MAGI1: variants seen among roughly 807,000 people sequenced by gnomAD.
The protein encoded by MAGI1 is membrane associated guanylate kinase, WW and PDZ domain containing 1.
MAGI1 carries 58 observed loss-of-function variants against 139.9 expected under a neutral mutation model. The observed-to-expected ratio is 0.41, with a 90% confidence interval of 0.34 to 0.52. MAGI1 has a LOEUF of 0.52. Ranked by LOEUF, MAGI1 falls within the 20% of genes least tolerant of loss-of-function variation. The probability of loss-of-function intolerance (pLI) is 0.12; values close to 1 mark genes in which losing one functional copy is unlikely to be tolerated. For synonymous variants in MAGI1, 812 were observed against 737.9 expected (o/e 1.10, Z -1.63); for missense variants, 1,874 against 1,901.6 (o/e 0.99, Z 0.27).
chr3:65,982,181 C>A (rs1263980657), intron 1 of MAGI1, among the ~76,000 whole-genome samples: 2 of 152,196 alleles, frequency 1.3e-5, no homozygotes, highest in Non-Finnish European at 2.9e-5. Context: ...TGGTCGAGTT[C>A]CCTGAGCATC....
At chr3:65,671,216 G>A (rs1011551113) in intron 1 of MAGI1, among the ~76,000 whole-genome samples, 8 of 152,112 alleles carry the variant, frequency 5.3e-5, no homozygotes, top group East Asian at 1.9e-4. Flanking sequence ...AATTTGAACC[G>A]GGATTTGGCA....
rs531122736 is a variant in MAGI1, at chr3:65,850,952, C to T, written c.313+187044G>A. On this transcript the variant is annotated intron_variant, in intron 1 of 22. Coordinates refer to ENST00000402939, the MANE Select transcript of MAGI1 (RefSeq NM_001033057.2). ...TGAAACCCTGTCTCTACTTAAAATACAAAAATTAGCCAGGCAGGGTGGCAG... is the reference window on the plus strand; with the variant it reads ...TGAAACCCTGTCTCTACTTAAAATATAAAAATTAGCCAGGCAGGGTGGCAG... 4.6e-5 allele frequency among the ~76,000 whole-genome samples: 7 copies of T among 152,146 alleles called. No individual in the cohort carries two copies. In the South Asian group the frequency reaches 1.5e-3, roughly 32 times the overall value.
chr3:65,738,868 T>C (rs1442004806), intron 1 of MAGI1, among the ~76,000 whole-genome samples: 1 of 152,214 alleles, frequency 6.6e-6, no homozygotes, highest in Non-Finnish European at 1.5e-5. Context: ...TGTTATTCCA[T>C]ATATAGAGCA....
At chr3:65,887,131 C>CA (rs1467540912) in intron 1 of MAGI1, among the ~76,000 whole-genome samples, 1 of 151,476 alleles carries the variant, frequency 6.6e-6, no homozygotes, top group Non-Finnish European at 1.5e-5. Context: ...TATGCCATCT[C>CA]AAAAAAAGAT....
intron 1 of MAGI1, among the ~76,000 whole-genome samples, chr3:65,796,155 C>A (rs2040135186): frequency 6.6e-6 from 1 of 152,068 alleles, no homozygotes; most frequent in South Asian, 2.1e-4. Flanking sequence ...GCCGGGGTCC[C>A]AGGGAAGAAC....
intron 1 of MAGI1, among the ~76,000 whole-genome samples, chr3:65,926,327 T>TCTCTCTCTCTCTC (rs1553731214): frequency 2.6e-5 from 3 of 115,592 alleles, no homozygotes; most frequent in East Asian, 2.9e-4. Flanking sequence ...AAGTCTTCTT[T>TCTCTCTCTCTCTC]TCTCTCTCTC....
chr3:65,375,984 T>C, intron 17 of MAGI1, 39 bp from the exon 18 acceptor site: 1 of 1,497,260 alleles, frequency 6.7e-7, no homozygotes, highest in Non-Finnish European at 9.3e-7. Context: ...TAAAGTTACG[T>C]GGGAATATAG....
At chr3:65,749,269 G>A (rs947390277) in intron 1 of MAGI1, among the ~76,000 whole-genome samples, 4 of 152,164 alleles carry the variant, frequency 2.6e-5, no homozygotes, top group Non-Finnish European at 5.9e-5. Context: ...TGTTGTTACT[G>A]TTACCATAGC....
intron 5 of MAGI1, among the ~76,000 whole-genome samples, chr3:65,466,273 T>C (rs1950167967): frequency 6.6e-6 from 1 of 152,198 alleles, no homozygotes. Flanking sequence ...CTCATTTTGA[T>C]ATCTTCCTGA....
rs148093477 is a variant in MAGI1, at chr3:65,804,623, A to G, written c.314-182535T>C. Among the ~76,000 whole-genome samples, 1,394 of 152,218 alleles carry G rather than the reference A, an allele frequency of 9.2e-3. 24 individuals are homozygous for G. The highest frequency in any genetic ancestry group is 0.032 in the African/African-American group (1,326 of 41,520). Reference sequence around the variant, plus strand: ...TCTGTACACATCATGAACTATAGCAAGTGGCAATGTAAACGGACCGTAGCC... The same window carrying G: ...TCTGTACACATCATGAACTATAGCAGGTGGCAATGTAAACGGACCGTAGCC... On this transcript the variant is annotated intron_variant, in intron 1 of 22. Transcript: ENST00000402939.
intron 1 of MAGI1, among the ~76,000 whole-genome samples, chr3:65,789,550 T>A (rs1022222728): frequency 1.3e-5 from 2 of 152,164 alleles, no homozygotes. Context: ...AGGCAGATGA[T>A]CACCAGAGAA....
intron 1 of MAGI1, among the ~76,000 whole-genome samples, chr3:65,936,758 GT>G (rs2063073456): frequency 6.6e-6 from 1 of 152,044 alleles, no homozygotes. Flanking sequence ...TGTAGACAGG[GT>G]CTCACTCTGC....
At chr3:65,789,862 G>A (rs961561514) in intron 1 of MAGI1, among the ~76,000 whole-genome samples, 2 of 152,120 alleles carry the variant, frequency 1.3e-5, no homozygotes, top group African/African-American at 4.8e-5. Context: ...CAATAATTTG[G>A]ACAAATTTTC....
intron 1 of MAGI1, among the ~76,000 whole-genome samples, chr3:65,650,834 G>C (rs2085534657): frequency 6.6e-6 from 1 of 152,118 alleles, no homozygotes; most frequent in Admixed American, 6.6e-5. Flanking sequence ...AGTATGAGAG[G>C]CATTGACATA....
Position 65,984,512 on chromosome 3 carries a change from ATGTGTG to A in MAGI1, c.313+53478_313+53483del, listed in dbSNP as rs34046056. 4.3e-3 allele frequency among the ~76,000 whole-genome samples: 599 copies of A among 140,454 alleles called. 1 individual carries two copies. The highest frequency in any genetic ancestry group is 0.017 in the South Asian group (72 of 4,162). 92.1% of individuals were successfully genotyped at this position (140,454 alleles called of 152,430 possible). Reference sequence around the variant, plus strand: ...TTTAATATAATATTTTCAAAATAAAATGTGTGTGTGTGTGTGTGTGTGTGTGTGTGT... The same window carrying A: ...TTTAATATAATATTTTCAAAATAAAATGTGTGTGTGTGTGTGTGTGTGTGT... On this transcript the variant is annotated intron_variant, in intron 1 of 22. Transcript: ENST00000402939.
At chr3:65,938,576 T>TC (rs1169895657) in intron 1 of MAGI1, among the ~76,000 whole-genome samples, 3 of 151,918 alleles carry the variant, frequency 2.0e-5, no homozygotes, top group Non-Finnish European at 4.4e-5. Flanking sequence ...TGACACTTCT[T>TC]CCTTTTCCGC....
At chr3:65,737,736 A>T (rs2034896172) in intron 1 of MAGI1, among the ~76,000 whole-genome samples, 1 of 152,204 alleles carries the variant, frequency 6.6e-6, no homozygotes, top group Non-Finnish European at 1.5e-5. Flanking sequence ...CAACCAATGA[A>T]AGATTTTAAA....
At chr3:65,981,721 G>A (rs1212738832) in intron 1 of MAGI1, among the ~76,000 whole-genome samples, 1 of 152,148 alleles carries the variant, frequency 6.6e-6, no homozygotes, top group East Asian at 1.9e-4. Flanking sequence ...AGTCTCACAA[G>A]AACTGATGGT....
intron 3 of MAGI1, among the ~76,000 whole-genome samples, chr3:65,488,337 CT>C (rs893556351): frequency 1.0e-4 from 15 of 148,622 alleles, no homozygotes; most frequent in South Asian, 4.3e-4. Context: ...AACTTTTTTT[CT>C]TTTTTTTTTG....
Sources: allele counts gnomAD v4.1 joint callset (sites outside exome capture counted in the v4.1 genomes callset), GRCh38; gene constraint gnomAD v4.1.1; transcripts MANE v1.5; gene names NCBI Gene and HGNC (gene_info 2026-07-23, HGNC 2026-07-21).